The following RAB28 variants were observed in gnomAD, a reference collection of about 807,000 sequenced individuals.
RAB28 encodes RAB28, member RAS oncogene family, also known as ras-related protein Rab-28.
A neutral mutation model predicts 31.7 loss-of-function variants in RAB28; 24 were observed. That is an observed-to-expected ratio of 0.76 (90% CI 0.55 to 1.06). The LOEUF is 1.06. Among genes scored for constraint, RAB28 ranks in the 50% least tolerant of loss-of-function variants. RAB28 has a pLI of 0.00. For missense variants in RAB28, 254 were observed against 258.5 expected (o/e 0.98, Z 0.12); for synonymous variants, 100 against 90.4 (o/e 1.11, Z -0.60).
chr4:13,464,309 C>A (rs1162910068), intron 3 of RAB28, among the ~76,000 whole-genome samples: 2 of 152,164 alleles, frequency 1.3e-5, no homozygotes, highest in Admixed American at 1.3e-4. Flanking sequence ...GTGAAATATG[C>A]CCAGAGCATT....
At chr4:13,401,325 A>G (rs964247741) in intron 4 of RAB28, among the ~76,000 whole-genome samples, 3 of 152,154 alleles carry the variant, frequency 2.0e-5, no homozygotes, top group African/African-American at 7.2e-5. Context: ...TTGTTCATTT[A>G]ATGAGAACAC....
chr4:13,416,088 C>G (rs1196732651), intron 4 of RAB28, among the ~76,000 whole-genome samples: 4 of 152,232 alleles, frequency 2.6e-5, no homozygotes, highest in South Asian at 2.1e-4. Context: ...AAAACAGACT[C>G]GGCTCTCTGT....
Position 13,367,754 on chromosome 4 carries a change from A to G in RAB28, c.*804T>C. On this transcript the variant is annotated 3_prime_UTR_variant, in exon 7 of 7. Coordinates refer to ENST00000330852, the MANE Select transcript of RAB28 (RefSeq NM_001017979.3). ...TAAATAAGTTTATTTGTGAAAGAAA[A>G]ACATCTGAACATCAGGTACAGTCTG... 1 of 984,858 alleles carries G rather than the reference A, an allele frequency of 1.0e-6. No individual in the cohort carries two copies. Among genetic ancestry groups the G allele is most frequent in the Non-Finnish European group, 1.2e-6 (1 of 829,454 alleles). The allele number at this position is 984,858 out of a possible 1,614,324, so 61.0% of individuals were successfully genotyped here.
At chr4:13,448,873 T>C (rs1246442064) in intron 4 of RAB28, among the ~76,000 whole-genome samples, 2 of 151,922 alleles carry the variant, frequency 1.3e-5, no homozygotes, top group Non-Finnish European at 2.9e-5. Flanking sequence ...ACACTTCTAT[T>C]TGAAAAATTT....
At chr4:13,456,586 T>C (rs76312006) in intron 4 of RAB28, among the ~76,000 whole-genome samples, 72 of 152,316 alleles carry the variant, frequency 4.7e-4, no homozygotes, top group Non-Finnish European at 8.4e-4. Flanking sequence ...AATGAAGAAA[T>C]TGGGCTTGTA....
intron 4 of RAB28, among the ~76,000 whole-genome samples, chr4:13,402,478 T>C (rs1245907278): frequency 6.6e-6 from 1 of 152,242 alleles, no homozygotes; most frequent in East Asian, 1.9e-4. Context: ...ACTGACCCTT[T>C]GATCAATATG....
At chr4:13,387,587 G>GT (rs1729431931) in intron 4 of RAB28, among the ~76,000 whole-genome samples, 1 of 152,020 alleles carries the variant, frequency 6.6e-6, no homozygotes, top group Admixed American at 6.6e-5. Context: ...ATTATACAGT[G>GT]TGGAGGTTTG....
intron 6 of RAB28, among the ~76,000 whole-genome samples, chr4:13,375,638 G>C (rs1560266253): frequency 6.6e-6 from 1 of 152,136 alleles, no homozygotes; most frequent in Non-Finnish European, 1.5e-5. Context: ...CATACCAAGT[G>C]CTAAAACAAA....
rs919362363 is a variant in RAB28 at position 13,446,324 on chromosome 4, T to C, written c.391+14375A>G. On this transcript the variant is annotated intron_variant, in intron 4 of 6. Transcript: ENST00000330852. ...GGGGCTCTGTGGGAGTGGGATCCACTGAGCAAGATCGCTTGGCTCCCTGGC... is the reference window on the plus strand; with the variant it reads ...GGGGCTCTGTGGGAGTGGGATCCACCGAGCAAGATCGCTTGGCTCCCTGGC... Among the ~76,000 whole-genome samples, 10 of 152,306 alleles carry C rather than the reference T, an allele frequency of 6.6e-5. No homozygotes were observed. The South Asian group carries it at 1.4e-3, about 22-fold the overall frequency.
At chr4:13,374,704 T>C (rs1403747736) in intron 6 of RAB28, among the ~76,000 whole-genome samples, 1 of 152,108 alleles carries the variant, frequency 6.6e-6, no homozygotes, top group Non-Finnish European at 1.5e-5. Flanking sequence ...CTTACATCCA[T>C]CCAACCTTTC....
rs1237815732 is a variant in RAB28 at position 13,368,486 on chromosome 4, G to A, written c.*72C>T. 62 of 1,511,444 alleles carry A rather than the reference G, an allele frequency of 4.1e-5. No individual in the cohort carries two copies. The highest frequency in any genetic ancestry group is 4.8e-5 in the Non-Finnish European group (55 of 1,136,126). 93.6% of individuals were successfully genotyped at this position (1,511,444 alleles called of 1,614,324 possible). On this transcript the variant is annotated 3_prime_UTR_variant, in exon 7 of 7. Transcript: ENST00000330852. ...ACAGAGATGGTCACTGATAAAACAA[G>A]TTCCTAGAAGTCCTCGGGCCCACCC...
intron 3 of RAB28, among the ~76,000 whole-genome samples, chr4:13,461,413 T>C (rs905409594): frequency 2.6e-5 from 4 of 152,200 alleles, no homozygotes; most frequent in Non-Finnish European, 5.9e-5. Context: ...CAGAGTTAAG[T>C]AACTCCTTTA....
chr4:13,447,978 G>A (rs1314759068), intron 4 of RAB28, among the ~76,000 whole-genome samples: 2 of 152,082 alleles, frequency 1.3e-5, no homozygotes, highest in Middle Eastern at 3.2e-3. Context: ...AGGAGTCAAA[G>A]ATGCTTAGGT....
chr4:13,461,428 C>T (rs1456634484), intron 3 of RAB28, among the ~76,000 whole-genome samples: 1 of 152,190 alleles, frequency 6.6e-6, no homozygotes, highest in Non-Finnish European at 1.5e-5. Flanking sequence ...CCTTTACCAT[C>T]TCCTTTCCAG....
At chr4:13,380,368 G>A (rs900311336) in intron 5 of RAB28, among the ~76,000 whole-genome samples, 2 of 152,022 alleles carry the variant, frequency 1.3e-5, no homozygotes, top group East Asian at 3.8e-4. Context: ...TGGAAAAATA[G>A]TCAAATAGGG....
intron 4 of RAB28, among the ~76,000 whole-genome samples, chr4:13,395,856 T>C (rs992036004): frequency 1.5e-4 from 23 of 152,166 alleles, no homozygotes; most frequent in African/African-American, 4.6e-4. Flanking sequence ...GGCTTCACAA[T>C]GTTCCTAGTT....
At chr4:13,375,898 A>G (rs1413284700) in intron 6 of RAB28, among the ~76,000 whole-genome samples, 5 of 152,154 alleles carry the variant, frequency 3.3e-5, no homozygotes, top group Non-Finnish European at 5.9e-5. Flanking sequence ...TTAGTTGCAC[A>G]GGGTGCGAAT....
intron 4 of RAB28, among the ~76,000 whole-genome samples, chr4:13,458,854 G>C (rs1715444153): frequency 6.6e-6 from 1 of 152,180 alleles, no homozygotes; most frequent in Admixed American, 6.5e-5. Context: ...ATACCATATA[G>C]GTTTGTGTAA....
rs1288008160 is a variant in RAB28, at chr4:13,460,807, TATC to T, written c.280_282del (p.Asp94del). On this transcript the variant is annotated inframe_deletion, in exon 4 of 7. Coordinates refer to ENST00000330852, the MANE Select transcript of RAB28 (RefSeq NM_001017979.3). ...TTCTCAAAGCTTTGATAATTTGTAA[TATC>T]ATATACCAAGAGGACTCCCTGTCAC... The T allele has an allele frequency of 1.2e-6, 2 of 1,613,062 alleles. No individual in the cohort carries two copies. The highest frequency in any genetic ancestry group is 1.1e-5 in the South Asian group (1 of 91,054).
Sources: allele counts gnomAD v4.1 joint callset (sites outside exome capture counted in the v4.1 genomes callset), GRCh38; gene constraint gnomAD v4.1.1; transcripts MANE v1.5; gene names NCBI Gene and HGNC (gene_info 2026-07-23, HGNC 2026-07-21).